Variants in KALRN observed in about 807,000 individuals in gnomAD.
KALRN encodes the protein kalirin.
Under a neutral mutation model 353.7 loss-of-function variants are expected in KALRN, and 70 were observed. The observed-to-expected ratio is 0.20, with a 90% CI of 0.16 to 0.24. The LOEUF is 0.24. Ranked by LOEUF, KALRN falls within the 10% of genes least tolerant of loss-of-function variation. The probability of loss-of-function intolerance (pLI) is 1.00; values close to 1 mark genes in which losing one functional copy is unlikely to be tolerated. For missense variants in KALRN, 2,791 were observed against 3,756.7 expected, an observed-to-expected ratio of 0.74 and a Z score of 6.72; for synonymous variants, 1,391 against 1,434.8, an observed-to-expected ratio of 0.97 and a Z score of 0.69.
intron 1 of KALRN, among the ~76,000 whole-genome samples, chr3:124,158,268 G>A (rs533059250): frequency 6.6e-6 from 1 of 152,292 alleles, no homozygotes; most frequent in Non-Finnish European, 1.5e-5. Context: ...TGACTAGAAG[G>A]ACCTAGATGG....
intron 34 of KALRN, among the ~76,000 whole-genome samples, chr3:124,578,175 C>T (rs2074296707): frequency 6.6e-6 from 1 of 152,152 alleles, no homozygotes; most frequent in South Asian, 2.1e-4. Flanking sequence ...TATAAACTCC[C>T]ATGTATAGGT....
chr3:124,632,601 C>A lies in KALRN; in HGVS notation c.5364C>A (p.Asn1788Lys), dbSNP rs558315603. Residue 1788 changes from asparagine (N) to lysine (K), a missense_variant, in exon 35 of 60, where the codon AAC becomes AAA. Physicochemically the swap from Asn to Lys is moderately conservative, Grantham distance 94. This residue lies in a region of KALRN where 1,065 missense variants were observed against 1,156.4 expected (regional missense o/e 0.92). Transcript: ENST00000682506. ...RRLNSGKADGNIKKQKKVRDG... is the reference protein window; with the variant it reads ...RRLNSGKADGKIKKQKKVRDG... ...TTAACAGCGGGAAGGCAGATGGAAA[C>A]ATCAAAAAGCAGAAGAAAGTTCGCG... 6.2e-7 allele frequency: 1 copy of A among 1,614,164 alleles called. No homozygotes were observed. Among genetic ancestry groups the A allele is most frequent in the Non-Finnish European group, 8.5e-7 (1 of 1,180,042 alleles).
At chr3:124,447,007 G>T (rs2150683124) in intron 21 of KALRN, 122 bp downstream of exon 21, 1 of 1,131,194 alleles carries the variant, frequency 8.8e-7, no homozygotes, top group East Asian at 2.4e-5. Flanking sequence ...TGGCAAGGGG[G>T]GAAGCATGTA....
At chr3:124,227,967 C>A (rs776406990) in intron 1 of KALRN, 23 bp from the exon 2 acceptor site, 1 of 1,603,674 alleles carries the variant, frequency 6.2e-7, no homozygotes, top group Non-Finnish European at 8.5e-7. Flanking sequence ...CACCCTGATT[C>A]CTTCTGGTTT....
chr3:124,256,609 A>G (rs1275418460), intron 3 of KALRN, among the ~76,000 whole-genome samples: 1 of 152,138 alleles, frequency 6.6e-6, no homozygotes, highest in African/African-American at 2.4e-5. Flanking sequence ...AGTGAAAACG[A>G]TCAGTTGTGA....
rs546929948 is a variant in KALRN, at chr3:124,398,926, A to T, written c.2346+55A>T. 2.0e-6 allele frequency: 3 copies of T among 1,534,312 alleles called. No individual in the cohort carries two copies. In the Admixed American group the frequency reaches 5.7e-5, roughly 29 times the overall value. On this transcript the variant is annotated intron_variant, in intron 13 of 59. Transcript: ENST00000682506. ...AGGGGCCAAGAAGTGCTTCCTGGCCAAGGGCACTGCCCCAGGGGCAGGGCA... is the reference window on the plus strand; with the variant it reads ...AGGGGCCAAGAAGTGCTTCCTGGCCTAGGGCACTGCCCCAGGGGCAGGGCA...
intron 32 of KALRN, among the ~76,000 whole-genome samples, chr3:124,494,412 G>C (rs772281528): frequency 3.3e-5 from 5 of 152,248 alleles, no homozygotes; most frequent in Non-Finnish European, 7.3e-5. Context: ...CCATGGGCCA[G>C]AATAGCGGGA....
chr3:124,365,621 T>G (rs1313735975), intron 10 of KALRN, among the ~76,000 whole-genome samples: 1 of 152,204 alleles, frequency 6.6e-6, no homozygotes, highest in African/African-American at 2.4e-5. Flanking sequence ...TTCTTCTAGA[T>G]CTGAGTGTTA....
chr3:124,579,964 C>G (rs980821445), intron 34 of KALRN, among the ~76,000 whole-genome samples: 3 of 152,242 alleles, frequency 2.0e-5, no homozygotes, highest in African/African-American at 4.8e-5. Context: ...AACATGGTCT[C>G]CAAAGGGAGG....
chr3:124,538,035 G>A (rs188997394), intron 33 of KALRN, among the ~76,000 whole-genome samples: 103 of 152,338 alleles, frequency 6.8e-4, no homozygotes, highest in African/African-American at 2.4e-3. Flanking sequence ...CGGAGGTGTT[G>A]GAAGTGAATT....
intron 33 of KALRN, among the ~76,000 whole-genome samples, chr3:124,548,734 A>T (rs1175301927): frequency 6.6e-6 from 1 of 152,090 alleles, no homozygotes; most frequent in Non-Finnish European, 1.5e-5. Flanking sequence ...GCTCACTGCA[A>T]CCTCCACCTC....
chr3:124,535,163 TA>T (rs2068402795), intron 33 of KALRN, among the ~76,000 whole-genome samples: 1 of 152,036 alleles, frequency 6.6e-6, no homozygotes, highest in South Asian at 2.1e-4. Context: ...GATGGGGGGA[TA>T]TTTCCTATAA....
chr3:124,271,285 T>A (rs146081982), intron 5 of KALRN, among the ~76,000 whole-genome samples: 186 of 152,310 alleles, frequency 1.2e-3, no homozygotes, highest in African/African-American at 4.3e-3. Context: ...TGCCTAGGTA[T>A]GTTTTAGAGT....
At chr3:124,501,736 G>A (rs1354011944) in intron 33 of KALRN, among the ~76,000 whole-genome samples, 1 of 151,998 alleles carries the variant, frequency 6.6e-6, no homozygotes, top group Non-Finnish European at 1.5e-5. Context: ...TGCACCAGGG[G>A]ACGCCTAGCC....
intron 14 of KALRN, among the ~76,000 whole-genome samples, chr3:124,418,585 T>C (rs75069743): frequency 0.024 from 3,680 of 152,296 alleles, 140 homozygotes; most frequent in African/African-American, 0.083. Flanking sequence ...TTTTAAAACA[T>C]GTTACAAGTA....
intron 13 of KALRN, among the ~76,000 whole-genome samples, chr3:124,402,949 G>C (rs556366746): frequency 6.6e-6 from 1 of 152,174 alleles, no homozygotes; most frequent in Admixed American, 6.5e-5. Flanking sequence ...TCAAACTGCA[G>C]TTTCTTTGCA....
intron 1 of KALRN, among the ~76,000 whole-genome samples, chr3:124,194,484 C>G (rs1352515873): frequency 2.0e-5 from 3 of 152,060 alleles, no homozygotes; most frequent in Non-Finnish European, 4.4e-5. Flanking sequence ...CTACCTACTG[C>G]ATGGAATGAA....
intron 1 of KALRN, among the ~76,000 whole-genome samples, chr3:124,047,572 A>C (rs1353656348): frequency 6.7e-6 from 1 of 148,914 alleles, no homozygotes; most frequent in Non-Finnish European, 1.5e-5. Flanking sequence ...TGTTCACTGC[A>C]AGCTCTGCCC....
chr3:124,175,351 G>C (rs944186592), intron 1 of KALRN, among the ~76,000 whole-genome samples: 3 of 151,630 alleles, frequency 2.0e-5, no homozygotes, highest in Admixed American at 2.0e-4. Context: ...GAGGGTCCAG[G>C]CCTGCTCTCC....
Sources: allele counts gnomAD v4.1 joint callset (sites outside exome capture counted in the v4.1 genomes callset), GRCh38; gene constraint gnomAD v4.1.1; regional missense constraint gnomAD v4.1.1; transcripts MANE v1.5; gene names NCBI Gene and HGNC (gene_info 2026-07-23, HGNC 2026-07-21).